Variants in AMPH observed in about 807,000 individuals in gnomAD.
The protein encoded by AMPH is amphiphysin.
In AMPH, 49 loss-of-function variants were observed where a neutral mutation model predicts 99.1. That is an observed-to-expected ratio of 0.49 (90% CI 0.39 to 0.63). The LOEUF is 0.63. Among genes scored for constraint, AMPH ranks in the 20% least tolerant of loss-of-function variants. The pLI, the probability that AMPH is intolerant of heterozygous loss-of-function variation, is 0.00. For synonymous variants in AMPH, 314 were observed against 317.3 expected (o/e 0.99, Z 0.11); for missense variants, 759 against 863.4 (o/e 0.88, Z 1.52).
At chr7:38,524,464 T>C (rs1790087650) in intron 2 of AMPH, among the ~76,000 whole-genome samples, 1 of 152,208 alleles carries the variant, frequency 6.6e-6, no homozygotes, top group Non-Finnish European at 1.5e-5. Flanking sequence ...AAAAGTTTTG[T>C]CATAGGCAAA....
chr7:38,500,124 T>C (rs1789082215), intron 3 of AMPH, among the ~76,000 whole-genome samples: 1 of 152,204 alleles, frequency 6.6e-6, no homozygotes. Context: ...CAAAATGTGT[T>C]CCCAGGAACA....
rs902644086 is a variant in AMPH at position 38,503,819 on chromosome 7, A to G, written c.151-115T>C. On this transcript the variant is annotated intron_variant, in intron 2 of 20. Coordinates refer to ENST00000356264, the MANE Select transcript of AMPH (RefSeq NM_001635.4). ...CAGAAGCTCATTCTTGGAAAAAAAC[A>G]TAAATATGTGGACACAGACTAAACA... 2.9e-6 allele frequency: 3 copies of G among 1,017,126 alleles called. No individual in the cohort carries two copies. In the African/African-American group the frequency reaches 4.8e-5, roughly 16 times the overall value. 63.0% of individuals were successfully genotyped at this position (1,017,126 alleles called of 1,614,324 possible).
intron 17 of AMPH, among the ~76,000 whole-genome samples, chr7:38,399,284 T>C (rs1227502311): frequency 2.0e-5 from 3 of 152,234 alleles, no homozygotes; most frequent in Non-Finnish European, 4.4e-5. Flanking sequence ...AGAAGGATCA[T>C]CCACTATCTG....
At chr7:38,579,653 C>T (rs73126106) in intron 1 of AMPH, among the ~76,000 whole-genome samples, 9,465 of 152,238 alleles carry the variant, frequency 0.062, 505 homozygotes, top group East Asian at 0.25. Context: ...ACTCTTCTTA[C>T]AAAAGAGGCA....
At chr7:38,461,522 G>C in intron 10 of AMPH, 111 bp from the exon 11 acceptor site, 1 of 1,298,674 alleles carries the variant, frequency 7.7e-7, no homozygotes, top group Admixed American at 1.8e-5. Context: ...ATTGAAACTT[G>C]TATCTGCATA....
intron 10 of AMPH, among the ~76,000 whole-genome samples, 158 bp from the exon 11 acceptor site, chr7:38,461,569 G>A (rs2129008254): frequency 6.6e-6 from 1 of 152,298 alleles, no homozygotes; most frequent in African/African-American, 2.4e-5. Flanking sequence ...AAAGAATGCT[G>A]TCTACTTGTG....
chr7:38,591,176 G>C (rs1482846819), intron 1 of AMPH, among the ~76,000 whole-genome samples: 2 of 152,066 alleles, frequency 1.3e-5, no homozygotes, highest in Non-Finnish European at 2.9e-5. Context: ...CTAAAGCTAA[G>C]GGAATTTTCA....
chr7:38,429,692 C>A, intron 14 of AMPH, 150 bp downstream of exon 14: 1 of 1,274,988 alleles, frequency 7.8e-7, no homozygotes. Context: ...CCAGTAAAAC[C>A]AAACTGGAAA....
At chr7:38,548,250 C>T (rs1221430204) in intron 1 of AMPH, among the ~76,000 whole-genome samples, 1 of 151,966 alleles carries the variant, frequency 6.6e-6, no homozygotes, top group African/African-American at 2.4e-5. Flanking sequence ...AGGATGGTCT[C>T]GATCTCCTGA....
At chr7:38,600,368 A>C (rs1160396562) in intron 1 of AMPH, among the ~76,000 whole-genome samples, 1 of 152,170 alleles carries the variant, frequency 6.6e-6, no homozygotes, top group East Asian at 1.9e-4. Flanking sequence ...TAACATTAAA[A>C]AATAGTATTT....
At chr7:38,528,325 T>C (rs10262613) in intron 2 of AMPH, among the ~76,000 whole-genome samples, 93,348 of 152,014 alleles carry the variant, frequency 0.61, 29,271 homozygotes, top group African/African-American at 0.75. Flanking sequence ...TTGATATCAA[T>C]TCTTTAAATG....
chr7:38,493,782 G>A (rs1237257472), intron 4 of AMPH, among the ~76,000 whole-genome samples: 1 of 152,170 alleles, frequency 6.6e-6, no homozygotes, highest in East Asian at 1.9e-4. Flanking sequence ...ATAGTCAATA[G>A]GGGGATTGAG....
intron 2 of AMPH, among the ~76,000 whole-genome samples, chr7:38,532,360 G>A (rs1010569646): frequency 1.3e-5 from 2 of 152,086 alleles, no homozygotes; most frequent in African/African-American, 4.8e-5. Flanking sequence ...TGAACCAAAT[G>A]GGGTCAAGAG....
chr7:38,475,437 G>A, intron 6 of AMPH, 21 bp from the exon 7 acceptor site: 2 of 1,540,672 alleles, frequency 1.3e-6, no homozygotes, highest in Non-Finnish European at 1.8e-6. Flanking sequence ...AACATAACAT[G>A]TGTTTACACT....
intron 4 of AMPH, among the ~76,000 whole-genome samples, chr7:38,493,172 G>C (rs989029984): frequency 6.6e-6 from 1 of 152,184 alleles, no homozygotes; most frequent in Non-Finnish European, 1.5e-5. Context: ...TGTTAACGCA[G>C]GTTTTCCAAG....
intron 7 of AMPH, among the ~76,000 whole-genome samples, chr7:38,473,212 A>G (rs1365002243): frequency 6.6e-6 from 1 of 152,214 alleles, no homozygotes; most frequent in Admixed American, 6.5e-5. Flanking sequence ...TTACATTAGA[A>G]ATCATAAAAA....
chr7:38,526,433 CTTTTTTTTT>C (rs33974810), intron 2 of AMPH, among the ~76,000 whole-genome samples: 2 of 72,580 alleles, frequency 2.8e-5, no homozygotes, highest in East Asian at 4.9e-4. Flanking sequence ...CCATGCCCGG[CTTTTTTTTT>C]TTTTTTTTTT....
chr7:38,431,263 ATACTT>A (rs1291267382), intron 13 of AMPH, among the ~76,000 whole-genome samples: 1 of 152,212 alleles, frequency 6.6e-6, no homozygotes. Context: ...ACCATGCTAC[ATACTT>A]TACAATTATC....
chr7:38,556,949 G>A (rs1791384962), intron 1 of AMPH, among the ~76,000 whole-genome samples: 1 of 152,140 alleles, frequency 6.6e-6, no homozygotes, highest in African/African-American at 2.4e-5. Flanking sequence ...ATGAATGAAT[G>A]AAAGAGAGGC....
Sources: gnomAD v4.1 joint callset for allele counts (sites outside exome capture counted in the v4.1 genomes callset) on GRCh38, gnomAD v4.1.1 for gene constraint, MANE v1.5 for transcripts, NCBI Gene and HGNC (gene_info 2026-07-23, HGNC 2026-07-21) for gene names.